The following ETV1 variants were observed in gnomAD, a reference collection of about 807,000 sequenced individuals.
ETV1 encodes the protein ETS translocation variant 1.
In ETV1, 27 loss-of-function variants were observed where a neutral mutation model predicts 62.3. The observed-to-expected ratio is 0.43, with a 90% CI of 0.32 to 0.60. The LOEUF (loss-of-function observed/expected upper bound fraction) is 0.60. ETV1 is among the 20% of genes least tolerant of loss of function. The pLI is 0.06. For missense variants in ETV1, 605 were observed against 605.8 expected (o/e 1.00, Z 0.01); for synonymous variants, 222 against 199.6 (o/e 1.11, Z -0.94).
chr7:13,923,990 G>C (rs2282874), intron 9 of ETV1, among the ~76,000 whole-genome samples: 15 of 151,814 alleles, frequency 9.9e-5, no homozygotes, highest in African/African-American at 3.6e-4. Context: ...AGCTGAGATC[G>C]TGCCATTGTA....
Position 13,950,146 on chromosome 7 carries a change from G to A in ETV1, c.236-10900C>T, listed in dbSNP as rs549008860. On this transcript the variant is annotated intron_variant, in intron 6 of 13. Coordinates refer to ENST00000430479, the MANE Select transcript of ETV1 (RefSeq NM_004956.5). Reference sequence around the variant, plus strand: ...GTTTGTTTTAGCTTCGGAGACCTTTGTACTAAAGGAATCACAATTGGAAGC... The same window carrying A: ...GTTTGTTTTAGCTTCGGAGACCTTTATACTAAAGGAATCACAATTGGAAGC... Among the ~76,000 whole-genome samples, 3 of 152,196 alleles carry A rather than the reference G, an allele frequency of 2.0e-5. No individual in the cohort carries two copies. The South Asian group carries it at 6.2e-4, about 32-fold the overall frequency.
intron 12 of ETV1, among the ~76,000 whole-genome samples, chr7:13,902,389 A>G (rs1782531660): frequency 6.6e-6 from 1 of 152,060 alleles, no homozygotes; most frequent in Admixed American, 6.6e-5. Context: ...TTAAGAGTAG[A>G]GAGATGCGAT....
chr7:13,898,750 C>T (rs1782097507), intron 13 of ETV1, among the ~76,000 whole-genome samples: 1 of 152,186 alleles, frequency 6.6e-6, no homozygotes, highest in Non-Finnish European at 1.5e-5. Flanking sequence ...AATTCAACAT[C>T]ATAGTTTTTG....
chr7:13,897,195 T>C (rs1327339803), intron 13 of ETV1, among the ~76,000 whole-genome samples: 2 of 152,280 alleles, frequency 1.3e-5, no homozygotes, highest in African/African-American at 2.4e-5. Context: ...TTAACTTTGA[T>C]AGTCACTTTG....
At chr7:13,984,685 T>G (rs890247730) in intron 5 of ETV1, among the ~76,000 whole-genome samples, 1 of 151,984 alleles carries the variant, frequency 6.6e-6, no homozygotes, top group African/African-American at 2.4e-5. Context: ...AAAACACTCA[T>G]GATTAATTCC....
intron 6 of ETV1, among the ~76,000 whole-genome samples, chr7:13,944,546 G>C (rs1242796458): frequency 2.6e-5 from 4 of 151,940 alleles, no homozygotes; most frequent in African/African-American, 4.8e-5. Context: ...ATCCGAATTT[G>C]CTGGGGCGGG....
At chr7:13,979,746 T>C (rs1781803186) in intron 5 of ETV1, among the ~76,000 whole-genome samples, 1 of 152,064 alleles carries the variant, frequency 6.6e-6, no homozygotes, top group Non-Finnish European at 1.5e-5. Context: ...AAATATAATA[T>C]CCCTTTACAG....
chr7:13,904,008 G>A (rs1562589548), intron 12 of ETV1, among the ~76,000 whole-genome samples: 2 of 152,046 alleles, frequency 1.3e-5, no homozygotes, highest in Non-Finnish European at 2.9e-5. Flanking sequence ...CCAATAAGAT[G>A]GCTTCAGAGA....
intron 9 of ETV1, among the ~76,000 whole-genome samples, chr7:13,914,724 G>T (rs780409911): frequency 2.6e-4 from 40 of 151,606 alleles, no homozygotes; most frequent in Non-Finnish European, 1.0e-4. Context: ...CCAAAGGTTT[G>T]ACCACAAAGT....
chr7:13,939,985 C>T lies in ETV1; in HGVS notation c.236-739G>A, dbSNP rs74368425. 2.6e-3 allele frequency among the ~76,000 whole-genome samples: 403 copies of T among 152,244 alleles called. 5 individuals carry two copies. The East Asian group carries it at 0.031, about 12-fold the overall frequency. ...GCTTATATGCATTTATGTTTAATAACGTACAAAGCTACATCACAAAATATG... is the reference window on the plus strand; with the variant it reads ...GCTTATATGCATTTATGTTTAATAATGTACAAAGCTACATCACAAAATATG... On this transcript the variant is annotated intron_variant, in intron 6 of 13. Transcript: ENST00000430479.
chr7:13,951,834 A>C (rs1156756097), intron 6 of ETV1, among the ~76,000 whole-genome samples: 1 of 152,200 alleles, frequency 6.6e-6, no homozygotes, highest in African/African-American at 2.4e-5. Context: ...ACATAATGAG[A>C]ACTTGATAGT....
intron 12 of ETV1, 162 bp downstream of exon 12, chr7:13,906,268 T>C: frequency 2.0e-6 from 1 of 496,742 alleles, no homozygotes; most frequent in Non-Finnish European, 3.4e-6. Context: ...ATTGGTGATT[T>C]TAAAGGTAGA....
In ETV1 at chr7:13,935,877, G is replaced by A; in HGVS notation, c.385C>T (p.Gln129Ter). ...YNVSAYDQKP[Q>*]VGMRPSNPPT... ...GGGTTGGAGGGCCTCATTCCCACTT[G>A]TGGCTTCTGATCATAGGCACTACCC... Residue 129 changes from glutamine to a stop codon, truncating the protein, a stop_gained, in exon 8 of 14, where the codon CAA becomes TAA. Coordinates refer to ENST00000430479, the MANE Select transcript of ETV1 (RefSeq NM_004956.5). LOFTEE classifies it high-confidence loss of function. 1 of 1,613,652 alleles carries A rather than the reference G, an allele frequency of 6.2e-7. No homozygotes were observed. The highest frequency in any genetic ancestry group is 8.5e-7 in the Non-Finnish European group (1 of 1,179,692).
At chr7:13,989,178 ATCATG>A in intron 2 of ETV1, 39 bp from the exon 3 acceptor site, 1 of 748,052 alleles carries the variant, frequency 1.3e-6, no homozygotes, top group Non-Finnish European at 2.2e-6. Flanking sequence ...TTAAAAAAAA[ATCATG>A]AATGAAGCTC....
chr7:13,985,661 C>G (rs1331812018), intron 5 of ETV1: 2 of 176,320 alleles, frequency 1.1e-5, no homozygotes, highest in Non-Finnish European at 2.4e-5. Flanking sequence ...TGTGAACACA[C>G]AAATAATACT....
rs1177280148 is a variant in ETV1, at chr7:13,896,762, A to AAGAAAG, written c.1213-681_1213-676dup. Among the ~76,000 whole-genome samples the AAGAAAG allele has an allele frequency of 2.4e-3, 344 of 144,442 alleles. 4 individuals carry two copies. The highest frequency in any genetic ancestry group is 8.3e-3 in the African/African-American group (318 of 38,394). 94.8% of individuals were successfully genotyped at this position (144,442 alleles called of 152,430 possible). A position where few individuals can be genotyped will look rare whatever the true frequency, so the allele number is the denominator to read the frequency against. Reference sequence around the variant, plus strand: ...AAGAAAGGAAAGAAAGAAAGAAAGAAAGAAAGAAAGAAAGAAAGAAAGAAA... The same window carrying AAGAAAG: ...AAGAAAGGAAAGAAAGAAAGAAAGAAAGAAAGAGAAAGAAAGAAAGAAAGAAAGAAA... On this transcript the variant is annotated intron_variant, in intron 13 of 13. Transcript: ENST00000430479.
At position 13,950,317 on chromosome 7, in the gene ETV1, G is replaced by C. The variant is rs182433573; in HGVS notation, c.236-11071C>G. Among the ~76,000 whole-genome samples the C allele has an allele frequency of 2.5e-3, 378 of 152,102 alleles. 1 individual carries two copies. Among genetic ancestry groups the C allele is most frequent in the African/African-American group, 8.6e-3 (356 of 41,500 alleles). ...AGTTCAAAAATAAGTGCTGAGTCTC[G>C]AAACTCATTTCACAGAAGGGAGCAT... On this transcript the variant is annotated intron_variant, in intron 6 of 13. Transcript: ENST00000430479.
intron 5 of ETV1, chr7:13,986,174 C>T (rs1229728267): frequency 1.3e-6 from 2 of 1,591,788 alleles, no homozygotes; most frequent in Non-Finnish European, 1.7e-6. Context: ...AATCTTGAAG[C>T]ATCCCGTCCT....
At chr7:13,901,578 C>T (rs1347606728) in intron 12 of ETV1, among the ~76,000 whole-genome samples, 2 of 151,844 alleles carry the variant, frequency 1.3e-5, no homozygotes, top group Admixed American at 6.6e-5. Flanking sequence ...TATGATAAGC[C>T]AAAGGAAAAA....
Sources: allele counts gnomAD v4.1 joint callset (sites outside exome capture counted in the v4.1 genomes callset), GRCh38; gene constraint gnomAD v4.1.1; transcripts MANE v1.5; gene names NCBI Gene and HGNC (gene_info 2026-07-23, HGNC 2026-07-21).